Variants in KALRN observed in about 807,000 individuals in gnomAD.
KALRN encodes the protein kalirin.
In KALRN, 70 loss-of-function variants were observed where a neutral mutation model predicts 353.7. The ratio of observed to expected loss-of-function variants is 0.20; its 90% CI spans 0.16 to 0.24. The LOEUF (loss-of-function observed/expected upper bound fraction) is 0.24, where lower values mean the gene tolerates loss of function less well. Among genes scored for constraint, KALRN ranks in the 10% least tolerant of loss-of-function variants. KALRN has a pLI of 1.00. For missense variants in KALRN, 2,791 were observed against 3,756.7 expected, an observed-to-expected ratio of 0.74 and a Z score of 6.72; for synonymous variants, 1,391 against 1,434.8, an observed-to-expected ratio of 0.97 and a Z score of 0.69.
intron 35 of KALRN, among the ~76,000 whole-genome samples, chr3:124,633,598 G>A (rs2081022933): frequency 6.6e-6 from 1 of 151,144 alleles, no homozygotes; most frequent in South Asian, 2.1e-4. Context: ...CTTGCTAATC[G>A]ATAAGATAGA....
intron 10 of KALRN, among the ~76,000 whole-genome samples, chr3:124,384,234 TC>T (rs1158494353): frequency 1.3e-5 from 2 of 152,070 alleles, no homozygotes; most frequent in Non-Finnish European, 2.9e-5. Flanking sequence ...ACCAGACTCT[TC>T]CCCAACCTTC....
Position 124,507,658 on chromosome 3 carries a change from A to G in KALRN, c.4935+11245A>G, listed in dbSNP as rs866286056. The stretch of plus-strand genomic sequence containing the variant: ...CCCAGTCTTCTGAGTTCACACCCCA[A>G]TTGATAATATGTGACAGTATGTGAT... On this transcript the variant is annotated intron_variant, in intron 33 of 59. Transcript: ENST00000682506. 1.3e-4 allele frequency among the ~76,000 whole-genome samples: 20 copies of G among 152,320 alleles called. No individual in the cohort carries two copies. The Middle Eastern group carries it at 0.01, about 78-fold the overall frequency.
intron 33 of KALRN, among the ~76,000 whole-genome samples, chr3:124,521,381 T>C (rs2067148532): frequency 2.0e-5 from 3 of 152,180 alleles, no homozygotes; most frequent in Admixed American, 2.0e-4. Flanking sequence ...TTGGAGATCA[T>C]TGAGATCAAC....
intron 28 of KALRN, among the ~76,000 whole-genome samples, chr3:124,486,235 G>A (rs2062559038): frequency 6.6e-6 from 1 of 152,138 alleles, no homozygotes; most frequent in South Asian, 2.1e-4. Flanking sequence ...TGGTAGACTT[G>A]CTAAATTGTT....
intron 1 of KALRN, among the ~76,000 whole-genome samples, chr3:124,075,601 G>A (rs1268537376): frequency 6.6e-6 from 1 of 152,108 alleles, no homozygotes; most frequent in Non-Finnish European, 1.5e-5. Context: ...TCTCTATCTG[G>A]TCATGCAGGG....
At chr3:124,173,041 T>C (rs1358093026) in intron 1 of KALRN, among the ~76,000 whole-genome samples, 1 of 151,960 alleles carries the variant, frequency 6.6e-6, no homozygotes, top group Non-Finnish European at 1.5e-5. Context: ...TGGCCTAAGG[T>C]CACACAACTA....
Position 124,696,118 on chromosome 3 carries a change from C to T in KALRN, c.7578-16C>T. 1 of 1,613,120 alleles carries T rather than the reference C, an allele frequency of 6.2e-7. No individual in the cohort carries two copies. On this transcript the variant is annotated splice_polypyrimidine_tract_variant and intron_variant, in intron 53 of 59. Transcript: ENST00000682506. ...TCATTACTGGAGTCTGAAGAGCATC[C>T]TTTTGGTGTCCCTAGTGATTCTGGA...
chr3:124,489,119 C>T (rs992873574), intron 29 of KALRN, among the ~76,000 whole-genome samples: 5 of 152,028 alleles, frequency 3.3e-5, no homozygotes, highest in Admixed American at 3.3e-4. Context: ...CCAGCCTGGC[C>T]AACATGGCGA....
At chr3:124,370,049 G>A (rs937174598) in intron 10 of KALRN, among the ~76,000 whole-genome samples, 21 of 151,922 alleles carry the variant, frequency 1.4e-4, no homozygotes, top group Non-Finnish European at 4.4e-5. Flanking sequence ...ATGGAAAATG[G>A]AATTAAAAAT....
At chr3:124,179,387 T>C (rs146671628) in intron 1 of KALRN, among the ~76,000 whole-genome samples, 190 of 152,344 alleles carry the variant, frequency 1.2e-3, no homozygotes, top group Non-Finnish European at 2.1e-3. Context: ...ACATCTTGTC[T>C]CACTGGAAGG....
chr3:124,417,147 C>T (rs542298897), intron 14 of KALRN, among the ~76,000 whole-genome samples: 1 of 152,314 alleles, frequency 6.6e-6, no homozygotes, highest in East Asian at 1.9e-4. Flanking sequence ...ATTTGAGCCT[C>T]AAGTTGGGAG....
intron 3 of KALRN, among the ~76,000 whole-genome samples, chr3:124,238,395 G>A (rs982587415): frequency 1.3e-5 from 2 of 152,200 alleles, no homozygotes; most frequent in Non-Finnish European, 2.9e-5. Flanking sequence ...GCTGCCTCTG[G>A]AGAAAGTGAA....
intron 7 of KALRN, 22 bp downstream of exon 7, chr3:124,326,193 C>T (rs749403132): frequency 2.5e-6 from 4 of 1,596,898 alleles, no homozygotes; most frequent in South Asian, 1.1e-5. Context: ...AAACCTGCAG[C>T]AGCTGCTGTT....
intron 1 of KALRN, among the ~76,000 whole-genome samples, chr3:124,161,874 A>C (rs1311219824): frequency 2.6e-5 from 4 of 152,210 alleles, no homozygotes; most frequent in Non-Finnish European, 5.9e-5. Flanking sequence ...AAGGCCCAGA[A>C]AGTAACTCAG....
chr3:124,374,239 C>T (rs1168206153), intron 10 of KALRN: 2 of 152,542 alleles, frequency 1.3e-5, no homozygotes, highest in Admixed American at 1.3e-4. Context: ...TGATCTTGGA[C>T]TTCTCAGCCT....
At chr3:124,078,797 G>A (rs1336558497) in intron 1 of KALRN, among the ~76,000 whole-genome samples, 1 of 152,168 alleles carries the variant, frequency 6.6e-6, no homozygotes, top group Non-Finnish European at 1.5e-5. Flanking sequence ...TTAGTACTAG[G>A]TTTTCTGAAG....
At position 124,693,814 on chromosome 3, in the gene KALRN, C is replaced by G; in HGVS notation, c.7388C>G (p.Pro2463Arg). ...CTTTTTGTTTTTCAGATCTTAAATC[C>G]AAATTTCATCCAAGAAGGTGAGTTA... is the stretch of plus-strand genomic sequence containing the variant. Reference protein sequence around the residue: ...DPNTSMEILNPNFIQEVAPEF... With the variant: ...DPNTSMEILNRNFIQEVAPEF... Residue 2463 changes from proline (P) to arginine (R), a missense_variant, in exon 52 of 60, where the codon CCA becomes CGA. Coordinates refer to ENST00000682506, the MANE Select transcript of KALRN (RefSeq NM_001388419.1). 6.4e-7 allele frequency: 1 copy of G among 1,568,988 alleles called. No individual in the cohort carries two copies. The highest frequency in any genetic ancestry group is 8.7e-7 in the Non-Finnish European group (1 of 1,147,574).
chr3:124,182,370 C>T (rs1470785321), intron 1 of KALRN, among the ~76,000 whole-genome samples: 1 of 152,178 alleles, frequency 6.6e-6, no homozygotes, highest in Non-Finnish European at 1.5e-5. Context: ...GTGGAAAAAG[C>T]TGACTTGACT....
At chr3:124,518,153 G>A (rs1425796984) in intron 33 of KALRN, among the ~76,000 whole-genome samples, 1 of 152,118 alleles carries the variant, frequency 6.6e-6, no homozygotes, top group African/African-American at 2.4e-5. Context: ...ATCCTCCTCT[G>A]GATTGTGGAC....
Sources: gnomAD v4.1 joint callset for allele counts (sites outside exome capture counted in the v4.1 genomes callset) on GRCh38, gnomAD v4.1.1 for gene constraint, MANE v1.5 for transcripts, NCBI Gene and HGNC (gene_info 2026-07-23, HGNC 2026-07-21) for gene names.